The following ZBTB7A variants were observed in gnomAD, a reference collection of about 807,000 sequenced individuals.
ZBTB7A encodes zinc finger and BTB domain containing 7A, also known as zinc finger and BTB domain-containing protein 7A.
Under a neutral mutation model 26.7 loss-of-function variants are expected in ZBTB7A, and 7 were observed. The observed-to-expected ratio is 0.26, with a 90% CI of 0.15 to 0.49. The LOEUF is 0.49. Ranked by LOEUF, ZBTB7A falls within the 20% of genes least tolerant of loss-of-function variation. The pLI is 0.98. For missense variants in ZBTB7A, 617 were observed against 919.5 expected (o/e 0.67, Z 4.25); for synonymous variants, 452 against 441.0 (o/e 1.02, Z -0.31).
At chr19:4,059,749 G>A (rs1055124181) in intron 1 of ZBTB7A, among the ~76,000 whole-genome samples, 6 of 151,460 alleles carry the variant, frequency 4.0e-5, no homozygotes, top group Non-Finnish European at 1.5e-5. Flanking sequence ...TGCCGGCCAC[G>A]CCCTGCGCCA....
rs78062390 is a variant in ZBTB7A, at chr19:4,044,380, T to G, written c.*3372A>C. ...TTTTTTTCATTTTTAAAAACTTTTT[T>G]GACTTTTTTTTTTTTTCCTTAATCT... On this transcript the variant is annotated 3_prime_UTR_variant, in exon 3 of 3. Coordinates refer to ENST00000322357, the MANE Select transcript of ZBTB7A (RefSeq NM_015898.4). 1 of 151,584 alleles carries G rather than the reference T, an allele frequency of 6.6e-6. No homozygotes were observed. Among genetic ancestry groups the G allele is most frequent in the African/African-American group, 2.4e-5 (1 of 41,248 alleles). The allele number at this position is 151,584 out of a possible 1,614,324, so 9.4% of individuals were successfully genotyped here.
At position 4,054,708 on chromosome 19, in the gene ZBTB7A, C is replaced by T. The variant is rs753110938; in HGVS notation, c.525G>A (p.Ala175=). The change falls in exon 2 of 3, where the codon GCG becomes GCA. Residue 175 remains alanine (A), a synonymous_variant. Coordinates refer to ENST00000322357, the MANE Select transcript of ZBTB7A (RefSeq NM_015898.4). The part of the protein sequence containing the change: ...QSNPMNSLPP[A]AAAAAASFPW... The stretch of plus-strand genomic sequence containing the variant: ...GGAAGCTGGCAGCGGCGGCGGCGGC[C>T]GCGGGGGGCAGGCTGTTCATGGGGT... 8.9e-6 allele frequency: 14 copies of T among 1,576,170 alleles called. No individual in the cohort carries two copies. Among genetic ancestry groups the T allele is most frequent in the Middle Eastern group, 1.7e-4 (1 of 6,030 alleles).
intron 2 of ZBTB7A, among the ~76,000 whole-genome samples, chr19:4,050,218 C>G (rs543958411): frequency 6.6e-6 from 1 of 152,278 alleles, no homozygotes; most frequent in South Asian, 2.1e-4. Flanking sequence ...CGCCACCACA[C>G]CTGGCTGATT....
intron 2 of ZBTB7A, among the ~76,000 whole-genome samples, chr19:4,051,821 G>C (rs956763277): frequency 6.6e-6 from 1 of 152,262 alleles, no homozygotes; most frequent in East Asian, 1.9e-4. Context: ...GAAGGGACTT[G>C]CCTGGAGCTG....
intron 1 of ZBTB7A, among the ~76,000 whole-genome samples, chr19:4,062,508 A>G (rs2040649634): frequency 6.6e-6 from 1 of 152,052 alleles, no homozygotes; most frequent in Admixed American, 6.5e-5. Context: ...AGAGAGGGGG[A>G]GCAGCTTGGC....
At chr19:4,065,027 C>G (rs2040677689) in intron 1 of ZBTB7A, among the ~76,000 whole-genome samples, 1 of 151,734 alleles carries the variant, frequency 6.6e-6, no homozygotes, top group African/African-American at 2.4e-5. Flanking sequence ...CAGCCCCCAG[C>G]CAGGCTCCCA....
Position 4,044,683 on chromosome 19 carries a change from T to TG in ZBTB7A, c.*3068_*3069insC. On this transcript the variant is annotated 3_prime_UTR_variant, in exon 3 of 3. Coordinates refer to ENST00000322357, the MANE Select transcript of ZBTB7A (RefSeq NM_015898.4). ...TCGCATTGTTTTTCTTTTTTTTTTT[T>TG]CTCTTTTTTTTTTTGTACCAGGCAG... 8.0e-6 allele frequency: 1 copy of TG among 124,742 alleles called. No homozygotes were observed. The highest frequency in any genetic ancestry group is 1.7e-5 in the Non-Finnish European group (1 of 59,218). 7.7% of individuals were successfully genotyped at this position (124,742 alleles called of 1,614,324 possible). A position where few individuals can be genotyped will look rare whatever the true frequency, so the allele number is the denominator to read the frequency against.
In ZBTB7A at chr19:4,060,913, G is replaced by A. The variant is rs1006212139; in HGVS notation, c.-15-5666C>T. Among the ~76,000 whole-genome samples the A allele has an allele frequency of 1.7e-4, 26 of 152,316 alleles. 1 individual carries two copies. The South Asian group carries it at 5.2e-3, about 30-fold the overall frequency. Reference sequence around the variant, plus strand: ...AGGGAGAGCAGGGAAGGAGGCCAAAGGGACCTCTCACCCCTCATGTGCTGT... The same window carrying A: ...AGGGAGAGCAGGGAAGGAGGCCAAAAGGACCTCTCACCCCTCATGTGCTGT... On this transcript the variant is annotated intron_variant, in intron 1 of 2. Transcript: ENST00000322357.
chr19:4,055,222 C>A lies in ZBTB7A; in HGVS notation c.11G>T (p.Gly4Val). 6.6e-7 allele frequency: 1 copy of A among 1,519,248 alleles called. No homozygotes were observed. The highest frequency in any genetic ancestry group is 8.8e-7 in the Non-Finnish European group (1 of 1,133,972). The allele number at this position is 1,519,248 out of a possible 1,614,324, so 94.1% of individuals were successfully genotyped here. ...CGGGATCCCGATGGGGCCGTCCACG[C>A]CGCCGGCCATCTTCCGCGCCGAGAC... MAG[G>V]VDGPIGIPFP... Residue 4 changes from glycine to valine, a missense_variant, in exon 2 of 3, where the codon GGC becomes GTC. Transcript: ENST00000322357.
At position 4,044,662 on chromosome 19, in the gene ZBTB7A, ATT is replaced by A. The variant is rs1178430811; in HGVS notation, c.*3088_*3089del. On this transcript the variant is annotated 3_prime_UTR_variant, in exon 3 of 3. Transcript: ENST00000322357. ...ATGAGAATGGAAATAACAATTTCGC[ATT>A]GTTTTTCTTTTTTTTTTTTCTCTTT... 5 of 116,590 alleles carry A rather than the reference ATT, an allele frequency of 4.3e-5. No individual in the cohort carries two copies. The highest frequency in any genetic ancestry group is 1.7e-4 in the African/African-American group (5 of 29,548). 7.2% of individuals were successfully genotyped at this position (116,590 alleles called of 1,614,324 possible).
In ZBTB7A at chr19:4,054,288, C is replaced by T. The variant is rs2040544013; in HGVS notation, c.945G>A (p.Ala315=). The T allele has an allele frequency of 1.3e-6, 2 of 1,546,388 alleles. No individual in the cohort carries two copies. Among genetic ancestry groups the T allele is most frequent in the Middle Eastern group, 1.7e-4 (1 of 5,982 alleles). The change falls in exon 2 of 3, where the codon GCG becomes GCA. Residue 315 remains alanine (A), a synonymous_variant. Transcript: ENST00000322357. ...TCATCTGCTGCAGCAGCGTGCTGGC[C>T]GCCAGCCCGTCCACGTCGGGCCCGT... The part of the protein sequence containing the change: ...DGDGPDVDGL[A]ASTLLQQMMS...
rs2040438042 is a variant in ZBTB7A, at chr19:4,047,637, A to G, written c.*115T>C. On this transcript the variant is annotated 3_prime_UTR_variant, in exon 3 of 3. Coordinates refer to ENST00000322357, the MANE Select transcript of ZBTB7A (RefSeq NM_015898.4). ...TCTGTATATATATATATAGATATAG[A>G]TATCTGTATATAGATAGATTTTCTT... is the stretch of plus-strand genomic sequence containing the variant. 1.2e-5 allele frequency: 12 copies of G among 987,254 alleles called. No individual in the cohort carries two copies. Among genetic ancestry groups the G allele is most frequent in the South Asian group, 1.8e-5 (1 of 55,534 alleles). 61.2% of individuals were successfully genotyped at this position (987,254 alleles called of 1,614,324 possible).
In ZBTB7A at chr19:4,059,508, C is replaced by T. The variant is rs187768364; in HGVS notation, c.-15-4261G>A. On this transcript the variant is annotated intron_variant, in intron 1 of 2. Coordinates refer to ENST00000322357, the MANE Select transcript of ZBTB7A (RefSeq NM_015898.4). ...GGTGATGTCAGCCAAGGAAAGCCCC[C>T]GTGAGAGGACTGTGGCCGCGTTTTA... 1.4e-4 allele frequency among the ~76,000 whole-genome samples: 21 copies of T among 152,266 alleles called. No individual in the cohort carries two copies. The South Asian group carries it at 1.5e-3, about 11-fold the overall frequency.
intron 1 of ZBTB7A, among the ~76,000 whole-genome samples, chr19:4,057,029 AAAAAAAAAAAAAG>A (rs2045446805): frequency 6.8e-6 from 1 of 147,476 alleles, no homozygotes; most frequent in African/African-American, 2.5e-5. Flanking sequence ...TCGGTCTGAA[AAAAAAAAAAAAAG>A]AAAAAGAAAA....
chr19:4,049,168 G>GTATATATATATA (rs1181215162), intron 2 of ZBTB7A, among the ~76,000 whole-genome samples: 35 of 14,924 alleles, frequency 2.3e-3, no homozygotes, highest in African/African-American at 3.7e-3. Flanking sequence ...GTGTGTGTGT[G>GTATATATATATA]TATATATATA....
At position 4,045,667 on chromosome 19, in the gene ZBTB7A, A is replaced by G; in HGVS notation, c.*2085T>C. On this transcript the variant is annotated 3_prime_UTR_variant, in exon 3 of 3. Transcript: ENST00000322357. This position sits in a 1 kb window ranked among gnomAD's most constrained non-coding sequence, Gnocchi z 4.1. ...CCCCCCCGCCGGTTGGGCATTGACA[A>G]GAAGTCTCAGTGCAGCAGAGCGTCT... 1 of 379,156 alleles carries G rather than the reference A, an allele frequency of 2.6e-6. No individual in the cohort carries two copies. The highest frequency in any genetic ancestry group is 4.5e-5 in the Admixed American group (1 of 22,128). 23.5% of individuals were successfully genotyped at this position (379,156 alleles called of 1,614,324 possible). A position where few individuals can be genotyped will look rare whatever the true frequency, so the allele number is the denominator to read the frequency against.
At chr19:4,049,870 G>A (rs2040479888) in intron 2 of ZBTB7A, among the ~76,000 whole-genome samples, 1 of 152,094 alleles carries the variant, frequency 6.6e-6, no homozygotes, top group South Asian at 2.1e-4. Context: ...GGGCTCAAAT[G>A]TCACCTCCTT....
intron 1 of ZBTB7A, among the ~76,000 whole-genome samples, chr19:4,055,809 C>G (rs969622790): frequency 2.6e-5 from 4 of 152,098 alleles, no homozygotes; most frequent in Non-Finnish European, 5.9e-5. Flanking sequence ...GGCAACAGAG[C>G]AAGACTCCAT....
rs2145008772 is a variant in ZBTB7A, at chr19:4,063,104, G to C, written c.-16+3578C>G. On this transcript the variant is annotated intron_variant, in intron 1 of 2. Coordinates refer to ENST00000322357, the MANE Select transcript of ZBTB7A (RefSeq NM_015898.4). ...CTGGCAGGTGACAGGTGGGGGTGCAGGTGTCTCACGCAGTTCTGACCCACA... is the reference window on the plus strand; with the variant it reads ...CTGGCAGGTGACAGGTGGGGGTGCACGTGTCTCACGCAGTTCTGACCCACA... 2.0e-5 allele frequency among the ~76,000 whole-genome samples: 3 copies of C among 152,232 alleles called. No homozygotes were observed. The South Asian group carries it at 6.2e-4, about 32-fold the overall frequency.
Sources: gnomAD v4.1 joint callset for allele counts (sites outside exome capture counted in the v4.1 genomes callset) on GRCh38, gnomAD v4.1.1 for gene constraint, Gnocchi (gnomAD v3.1) non-coding constraint, MANE v1.5 for transcripts, NCBI Gene and HGNC (gene_info 2026-07-23, HGNC 2026-07-21) for gene names.